Variants in CNTNAP5 observed in about 807,000 individuals in gnomAD.
CNTNAP5 encodes the protein contactin associated protein family member 5.
A neutral mutation model predicts 150.2 loss-of-function variants in CNTNAP5; 72 were observed. The ratio of observed to expected loss-of-function variants is 0.48; its 90% CI spans 0.40 to 0.58. The LOEUF (loss-of-function observed/expected upper bound fraction) is 0.58, where lower values mean the gene tolerates loss of function less well. CNTNAP5 is among the 20% of genes least tolerant of loss of function. The pLI is 0.00. For missense variants in CNTNAP5, 1,636 were observed against 1,626.2 expected (o/e 1.01, Z -0.10); for synonymous variants, 672 against 619.8 (o/e 1.08, Z -1.25).
At chr2:124,260,782 G>T (rs1461476988) in intron 3 of CNTNAP5, among the ~76,000 whole-genome samples, 1 of 152,102 alleles carries the variant, frequency 6.6e-6, no homozygotes, top group African/African-American at 2.4e-5. Context: ...AGTAAGAGCT[G>T]TACACTGAAA....
chr2:124,408,983 T>C (rs1415574868), intron 3 of CNTNAP5, among the ~76,000 whole-genome samples: 1 of 144,702 alleles, frequency 6.9e-6, no homozygotes, highest in East Asian at 2.1e-4. Context: ...AGTTGAAAAC[T>C]TTGAAAAAAA....
At chr2:124,080,820 A>C (rs1402438948) in intron 1 of CNTNAP5, among the ~76,000 whole-genome samples, 1 of 152,202 alleles carries the variant, frequency 6.6e-6, no homozygotes, top group Non-Finnish European at 1.5e-5. Flanking sequence ...CTGCCTCTTC[A>C]AGAACAACCT....
At chr2:124,318,928 C>T (rs1004072083) in intron 3 of CNTNAP5, among the ~76,000 whole-genome samples, 1 of 152,196 alleles carries the variant, frequency 6.6e-6, no homozygotes, top group Non-Finnish European at 1.5e-5. Flanking sequence ...AGGCAGTCTT[C>T]CTACATCCTC....
chr2:124,857,932 TAATAAA>T (rs1180583977), intron 19 of CNTNAP5, among the ~76,000 whole-genome samples: 2 of 152,160 alleles, frequency 1.3e-5, no homozygotes, highest in African/African-American at 4.8e-5. Context: ...TCTCTGGACT[TAATAAA>T]AATAAGTACT....
In CNTNAP5 at chr2:124,602,648, G is replaced by A. The variant is rs553593263; in HGVS notation, c.1757-7153G>A. ...AGCTGAGACTATAGGCACAAGCTAC[G>A]CACCCAGCTAATTTTAAATTTTTTG... On this transcript the variant is annotated intron_variant, in intron 11 of 23. Transcript: ENST00000682447. Among the ~76,000 whole-genome samples, 8 of 152,046 alleles carry A rather than the reference G, an allele frequency of 5.3e-5. No individual in the cohort carries two copies. In the South Asian group the frequency reaches 1.5e-3, roughly 28 times the overall value.
chr2:124,049,318 G>A (rs1430651455), intron 1 of CNTNAP5, among the ~76,000 whole-genome samples: 1 of 152,170 alleles, frequency 6.6e-6, no homozygotes. Context: ...GAATGCCTCA[G>A]AAAGGCACAC....
chr2:124,793,290 T>C (rs185931518), intron 18 of CNTNAP5, among the ~76,000 whole-genome samples: 1 of 152,324 alleles, frequency 6.6e-6, no homozygotes, highest in African/African-American at 2.4e-5. Context: ...ACTAATGATA[T>C]TGGATATCTT....
intron 3 of CNTNAP5, among the ~76,000 whole-genome samples, chr2:124,266,867 T>A (rs2104607932): frequency 6.6e-6 from 1 of 152,268 alleles, no homozygotes; most frequent in South Asian, 2.1e-4. Flanking sequence ...GACAGCATCT[T>A]GTTTGCCTTT....
chr2:124,437,430 A>G (rs1026759864), intron 5 of CNTNAP5, among the ~76,000 whole-genome samples: 5 of 152,192 alleles, frequency 3.3e-5, no homozygotes, highest in African/African-American at 1.2e-4. Flanking sequence ...AAGAGGATAA[A>G]TTACTTGTCC....
intron 10 of CNTNAP5, among the ~76,000 whole-genome samples, chr2:124,544,104 A>G (rs899126567): frequency 4.6e-5 from 7 of 152,130 alleles, no homozygotes; most frequent in African/African-American, 1.7e-4. Context: ...AGTATCTTCC[A>G]CCCCCAAAAA....
intron 21 of CNTNAP5, among the ~76,000 whole-genome samples, chr2:124,875,974 C>T (rs1255284650): frequency 6.6e-6 from 1 of 152,060 alleles, no homozygotes; most frequent in African/African-American, 2.4e-5. Flanking sequence ...CAGCTGGCTT[C>T]AGAATCTCAA....
intron 1 of CNTNAP5, among the ~76,000 whole-genome samples, chr2:124,139,579 G>A (rs530589750): frequency 1.3e-5 from 2 of 152,096 alleles, no homozygotes; most frequent in African/African-American, 2.4e-5. Flanking sequence ...TACTTGCCAC[G>A]TGAGGCAGGT....
intron 11 of CNTNAP5, among the ~76,000 whole-genome samples, chr2:124,597,607 T>C (rs13387123): frequency 0.49 from 72,779 of 149,804 alleles, 18,875 homozygotes; most frequent in Non-Finnish European, 0.59. Flanking sequence ...TTGGTGAATC[T>C]GACAATTATG....
At chr2:124,414,841 C>T (rs1691876555) in intron 3 of CNTNAP5, among the ~76,000 whole-genome samples, 1 of 152,038 alleles carries the variant, frequency 6.6e-6, no homozygotes, top group Non-Finnish European at 1.5e-5. Flanking sequence ...AATAATGCTA[C>T]AGACCTACGG....
chr2:124,507,660 C>T (rs948462872), intron 8 of CNTNAP5, among the ~76,000 whole-genome samples: 1 of 152,102 alleles, frequency 6.6e-6, no homozygotes, highest in Non-Finnish European at 1.5e-5. Context: ...TTTGGACTCT[C>T]AGTCCTCGAT....
intron 17 of CNTNAP5, among the ~76,000 whole-genome samples, chr2:124,782,942 C>T (rs1435171957): frequency 6.6e-6 from 1 of 152,150 alleles, no homozygotes; most frequent in Admixed American, 6.5e-5. Flanking sequence ...TGAAATGTTT[C>T]TCACACCAGA....
intron 1 of CNTNAP5, among the ~76,000 whole-genome samples, chr2:124,211,269 A>G (rs1686003313): frequency 1.3e-5 from 2 of 152,178 alleles, no homozygotes; most frequent in Non-Finnish European, 1.5e-5. Context: ...TCCACTTAGA[A>G]AGCAGTAGCA....
At chr2:124,681,160 G>A (rs1262246105) in intron 13 of CNTNAP5, among the ~76,000 whole-genome samples, 1 of 149,622 alleles carries the variant, frequency 6.7e-6, no homozygotes, top group Non-Finnish European at 1.5e-5. Flanking sequence ...AAATTAGCCG[G>A]GCATGGTGGT....
chr2:124,773,941 T>TGA (rs1442886804), intron 17 of CNTNAP5, among the ~76,000 whole-genome samples: 25 of 145,756 alleles, frequency 1.7e-4, no homozygotes, highest in African/African-American at 6.4e-4. Context: ...TGTGTGTGTG[T>TGA]GTGTGTGAGA....
Sources: allele counts gnomAD v4.1 joint callset (sites outside exome capture counted in the v4.1 genomes callset), GRCh38; gene constraint gnomAD v4.1.1; transcripts MANE v1.5; gene names NCBI Gene and HGNC (gene_info 2026-07-23, HGNC 2026-07-21).